CELF5: variants seen among roughly 807,000 people sequenced by gnomAD.
The protein encoded by CELF5 is CUG-BP and ETR-3 like factor 5.
A neutral mutation model predicts 54.9 loss-of-function variants in CELF5; 6 were observed. The observed-to-expected ratio is 0.11, with a 90% CI of 0.06 to 0.22. CELF5 has a LOEUF of 0.22. Among genes scored for constraint, CELF5 ranks in the 10% least tolerant of loss-of-function variants. The pLI is 1.00. For missense variants in CELF5, 401 were observed against 678.6 expected (o/e 0.59, Z 4.54); for synonymous variants, 271 against 290.9 (o/e 0.93, Z 0.70).
chr19:3,236,176 G>T (rs747231200), intron 1 of CELF5, among the ~76,000 whole-genome samples: 2 of 152,136 alleles, frequency 1.3e-5, no homozygotes, highest in African/African-American at 4.8e-5. Flanking sequence ...GCATTTATGC[G>T]TGCATTGAGG....
intron 2 of CELF5, chr19:3,270,613 C>T (rs2079946329): frequency 6.8e-6 from 1 of 147,116 alleles, no homozygotes; most frequent in African/African-American, 2.5e-5. Context: ...CCGGGGCGGC[C>T]GGGCGGGCGG....
chr19:3,284,669 C>G, intron 8 of CELF5: 1 of 573,368 alleles, frequency 1.7e-6, no homozygotes, highest in South Asian at 2.0e-5. Flanking sequence ...TGATCTCTCT[C>G]TGGAGTCCGA....
rs367684983 is a variant in CELF5, at chr19:3,260,866, C to G, written c.342+9799C>G. 3.3e-5 allele frequency among the ~76,000 whole-genome samples: 5 copies of G among 152,028 alleles called. No homozygotes were observed. In the East Asian group the frequency reaches 9.7e-4, roughly 30 times the overall value. ...CTCGATCTCCTGACCTCGTGATCTGCCCGCCTCGGCCTCCCAAAGTGCTGG... is the reference window on the plus strand; with the variant it reads ...CTCGATCTCCTGACCTCGTGATCTGGCCGCCTCGGCCTCCCAAAGTGCTGG... On this transcript the variant is annotated intron_variant, in intron 2 of 12. Transcript: ENST00000292672.
chr19:3,265,576 C>G (rs1217487806), intron 2 of CELF5, among the ~76,000 whole-genome samples: 2 of 152,028 alleles, frequency 1.3e-5, no homozygotes, highest in Non-Finnish European at 2.9e-5. Context: ...ACACTCCCAC[C>G]CACGCCATGA....
At chr19:3,246,393 CTCTCA>C (rs527387905) in intron 1 of CELF5, among the ~76,000 whole-genome samples, 6 of 149,966 alleles carry the variant, frequency 4.0e-5, no homozygotes, top group Non-Finnish European at 8.9e-5. Context: ...CTCTCTCTCT[CTCTCA>C]TATGTATATA....
At chr19:3,294,566 C>G (rs1035289859) in intron 12 of CELF5, 3 of 152,212 alleles carry the variant, frequency 2.0e-5, no homozygotes, top group Non-Finnish European at 2.9e-5. Flanking sequence ...AACGCACCTT[C>G]AGGAACTGCC....
At position 3,293,338 on chromosome 19, in the gene CELF5, C is replaced by T. The variant is rs1388066548; in HGVS notation, c.1350C>T (p.Asn450=). Residue 450 remains asparagine, a synonymous_variant, in exon 12 of 13, where the codon AAC becomes AAT. Transcript: ENST00000292672. ...SKCFGFVSFD[N]PASAQAAIQA... is the part of the protein sequence containing the mutation. ...CTGCAGGCTTCGTGAGCTTTGATAA[C>T]CCGGCCAGCGCCCAGGCAGCCATCC... 2.5e-6 allele frequency: 4 copies of T among 1,614,046 alleles called. No individual in the cohort carries two copies. The highest frequency in any genetic ancestry group is 2.2e-5 in the East Asian group (1 of 44,884).
intron 1 of CELF5, among the ~76,000 whole-genome samples, chr19:3,227,325 G>A (rs1241351667): frequency 6.6e-6 from 1 of 152,208 alleles, no homozygotes; most frequent in Non-Finnish European, 1.5e-5. Flanking sequence ...CTGAAGGGAG[G>A]TGGAATGGTG....
intron 8 of CELF5, among the ~76,000 whole-genome samples, chr19:3,283,810 C>T (rs952380676): frequency 3.3e-5 from 5 of 151,474 alleles, no homozygotes; most frequent in South Asian, 4.2e-4. Context: ...CAACTCCAGA[C>T]GGTATTCAAA....
chr19:3,274,718 G>A (rs1466186431), intron 3 of CELF5, among the ~76,000 whole-genome samples: 2 of 152,082 alleles, frequency 1.3e-5, no homozygotes, highest in Non-Finnish European at 2.9e-5. Context: ...ACTGAAGGAG[G>A]GCAGCCAGAT....
In CELF5 at chr19:3,224,719, C is replaced by T; in HGVS notation, c.-21C>T. On this transcript the variant is annotated 5_prime_UTR_variant, in exon 1 of 13. Coordinates refer to ENST00000292672, the MANE Select transcript of CELF5 (RefSeq NM_021938.4). ...GCCCGCCGCCCGCCGCCGCCGCCGC[C>T]GGCTCGGTCCCGCGCCCGCCATGGC... 1.8e-6 allele frequency: 2 copies of T among 1,084,496 alleles called. No individual in the cohort carries two copies. Among genetic ancestry groups the T allele is most frequent in the Non-Finnish European group, 1.1e-6 (1 of 887,994 alleles). 67.2% of individuals were successfully genotyped at this position (1,084,496 alleles called of 1,614,324 possible).
intron 2 of CELF5, among the ~76,000 whole-genome samples, chr19:3,253,455 T>C (rs892661292): frequency 3.3e-5 from 5 of 152,284 alleles, no homozygotes; most frequent in African/African-American, 9.6e-5. Flanking sequence ...TCTCACCACG[T>C]GGGCTTCTCC....
intron 9 of CELF5, among the ~76,000 whole-genome samples, chr19:3,285,663 G>GCCCCC (rs1195384665): frequency 7.7e-5 from 1 of 12,980 alleles, no homozygotes; most frequent in African/African-American, 2.8e-4. Context: ...CATGGGGTCC[G>GCCCCC]CCCCCACCCC....
At chr19:3,260,033 A>C (rs905393178) in intron 2 of CELF5, among the ~76,000 whole-genome samples, 1 of 152,206 alleles carries the variant, frequency 6.6e-6, no homozygotes, top group African/African-American at 2.4e-5. Context: ...GAAACAGGTG[A>C]CATTAATTTT....
intron 1 of CELF5, among the ~76,000 whole-genome samples, chr19:3,242,329 T>C (rs1257065836): frequency 6.7e-6 from 1 of 148,872 alleles, no homozygotes; most frequent in Admixed American, 6.7e-5. Context: ...AGGTCAGGAG[T>C]TCAAGACTAG....
At chr19:3,283,936 TCCTCTCA>T (rs2080192203) in intron 8 of CELF5, among the ~76,000 whole-genome samples, 1 of 151,858 alleles carries the variant, frequency 6.6e-6, no homozygotes, top group Non-Finnish European at 1.5e-5. Context: ...GCTGAAGCGA[TCCTCTCA>T]CCTCTCACCT....
intron 1 of CELF5, among the ~76,000 whole-genome samples, chr19:3,235,522 A>AT (rs1568329791): frequency 8.3e-6 from 1 of 119,778 alleles, no homozygotes; most frequent in Admixed American, 8.3e-5. Flanking sequence ...GGATGGATGG[A>AT]TGAATAGGTG....
chr19:3,241,929 C>A (rs1005330455), intron 1 of CELF5, among the ~76,000 whole-genome samples: 3 of 152,114 alleles, frequency 2.0e-5, no homozygotes, highest in African/African-American at 7.2e-5. Context: ...CGCGCGCCGC[C>A]ACGCCCAGCT....
At chr19:3,295,024 G>C (rs886538509) in intron 12 of CELF5, 1 of 152,252 alleles carries the variant, frequency 6.6e-6, no homozygotes, top group Non-Finnish European at 1.5e-5. Flanking sequence ...ACTCCCTAAC[G>C]CCCGTCCCTT....
Sources: gnomAD v4.1 joint callset for allele counts (sites outside exome capture counted in the v4.1 genomes callset) on GRCh38, gnomAD v4.1.1 for gene constraint, MANE v1.5 for transcripts, NCBI Gene and HGNC (gene_info 2026-07-23, HGNC 2026-07-21) for gene names.